POLR1A: variants seen among roughly 807,000 people sequenced by gnomAD.
POLR1A encodes the protein DNA-directed RNA polymerase I subunit RPA1.
A neutral mutation model predicts 205.3 loss-of-function variants in POLR1A; 84 were observed. The observed-to-expected ratio is 0.41, with a 90% CI of 0.34 to 0.49. POLR1A has a LOEUF of 0.49. POLR1A is among the 20% of genes least tolerant of loss of function. The probability of loss-of-function intolerance (pLI) is 0.22; values close to 1 mark genes in which losing one functional copy is unlikely to be tolerated. For synonymous variants in POLR1A, 799 were observed against 863.7 expected, an observed-to-expected ratio of 0.93 and a Z score of 1.31; for missense variants, 1,645 against 2,204.5, an observed-to-expected ratio of 0.75 and a Z score of 5.08.
Position 86,033,642 on chromosome 2 carries a change from C to T in POLR1A, c.4161+19G>A, listed in dbSNP as rs376901817. The T allele has an allele frequency of 1.9e-5, 31 of 1,610,686 alleles. 1 individual carries two copies. In the South Asian group the frequency reaches 3.1e-4, roughly 16 times the overall value. On this transcript the variant is annotated intron_variant, in intron 28 of 33. Transcript: ENST00000263857. ...GGCTGTCCCTGTGCAACTCTAGTGACCCCCGGGGACTCACTCACCCGACTC... is the reference window on the plus strand; with the variant it reads ...GGCTGTCCCTGTGCAACTCTAGTGATCCCCGGGGACTCACTCACCCGACTC...
chr2:86,031,768 G>A (rs1422755862), intron 29 of POLR1A, 133 bp from the exon 30 acceptor site: 14 of 1,198,040 alleles, frequency 1.2e-5, no homozygotes, highest in South Asian at 1.5e-5. Context: ...CCACACTCCC[G>A]GCTCCTCTGC....
chr2:86,069,455 T>TTCTA (rs1157278053), intron 13 of POLR1A, among the ~76,000 whole-genome samples: 1 of 152,142 alleles, frequency 6.6e-6, no homozygotes, highest in Non-Finnish European at 1.5e-5. Flanking sequence ...GGGGAGGAAG[T>TTCTA]TCTATCCTTC....
chr2:86,068,390 G>GA (rs942819872), intron 13 of POLR1A, among the ~76,000 whole-genome samples: 3 of 117,580 alleles, frequency 2.6e-5, no homozygotes, highest in African/African-American at 9.6e-5. Flanking sequence ...CATGGGCGGG[G>GA]GGGGGGGGCG....
chr2:86,045,850 T>C, intron 19 of POLR1A, 81 bp from the exon 20 acceptor site: 1 of 1,281,026 alleles, frequency 7.8e-7, no homozygotes, highest in Non-Finnish European at 1.1e-6. Context: ...GAAAGTATAA[T>C]CTGACCTTGA....
intron 3 of POLR1A, among the ~76,000 whole-genome samples, chr2:86,097,597 T>C (rs1283262906): frequency 6.6e-6 from 1 of 152,150 alleles, no homozygotes; most frequent in Non-Finnish European, 1.5e-5. Context: ...TGCAACAACA[T>C]AGATGGAACT....
Position 86,073,924 on chromosome 2 carries a change from C to T in POLR1A, c.1611+1106G>A, listed in dbSNP as rs149858602. On this transcript the variant is annotated intron_variant, in intron 12 of 33. Coordinates refer to ENST00000263857, the MANE Select transcript of POLR1A (RefSeq NM_015425.6). ...TTTGCATTGCTCACACAGTGCCTAG[C>T]GAAACACCAGGCACTTAGGAAAGGC... is the stretch of plus-strand genomic sequence containing the variant. Among the ~76,000 whole-genome samples, 754 of 152,288 alleles carry T rather than the reference C, an allele frequency of 5.0e-3. 6 individuals carry two copies. The highest frequency in any genetic ancestry group is 0.017 in the African/African-American group (715 of 41,550).
intron 2 of POLR1A, among the ~76,000 whole-genome samples, chr2:86,099,058 A>G (rs1035074450): frequency 2.0e-5 from 3 of 152,172 alleles, no homozygotes; most frequent in African/African-American, 7.2e-5. Flanking sequence ...CTTCTCAGCC[A>G]GGTGCGGTGG....
At chr2:86,049,498 T>G (rs975031434) in intron 16 of POLR1A, among the ~76,000 whole-genome samples, 1 of 152,174 alleles carries the variant, frequency 6.6e-6, no homozygotes, top group Non-Finnish European at 1.5e-5. Flanking sequence ...CATGGTCGTA[T>G]GGGTAGAAAG....
rs1672389785 is a variant in POLR1A, at chr2:86,031,543, A to C, written c.4365T>G (p.Gly1455=). The C allele has an allele frequency of 6.2e-7, 1 of 1,613,942 alleles. No homozygotes were observed. The highest frequency in any genetic ancestry group is 8.5e-7 in the Non-Finnish European group (1 of 1,180,002). The part of the protein sequence containing the change: ...MQEERNPHRE[G]ARKTQEQDEE... Reference sequence around the variant, plus strand: ...CATCTTGCTCTTGGGTCTTTCGAGCACCTTCCCTGTGGGGATTTCGTTCCT... The same window carrying C: ...CATCTTGCTCTTGGGTCTTTCGAGCCCCTTCCCTGTGGGGATTTCGTTCCT... The change falls in exon 30 of 34, where the codon GGT becomes GGG. Residue 1455 remains glycine, a synonymous_variant. Transcript: ENST00000263857.
intron 3 of POLR1A, among the ~76,000 whole-genome samples, chr2:86,093,969 T>C (rs141324154): frequency 2.0e-5 from 3 of 152,372 alleles, no homozygotes; most frequent in South Asian, 2.1e-4. Context: ...GCAAGTTTTA[T>C]AGAATATCCC....
Position 86,028,482 on chromosome 2 carries a change from AGTGCTGGACTGACTCG to A in POLR1A, c.4897+96_4897+111del, listed in dbSNP as rs902662162. On this transcript the variant is annotated intron_variant, in intron 32 of 33. Coordinates refer to ENST00000263857, the MANE Select transcript of POLR1A (RefSeq NM_015425.6). This position sits in a 1 kb window ranked among gnomAD's most constrained non-coding sequence, Gnocchi z 4.5. The stretch of plus-strand genomic sequence containing the variant: ...GCACGCATGCTGCAGTGCCTGCCTT[AGTGCTGGACTGACTCG>A]GTGCTGGACCGACACGGTCCTGACC... The A allele has an allele frequency of 6.7e-6, 5 of 743,086 alleles. No individual in the cohort carries two copies. In the Admixed American group the frequency reaches 9.2e-5, roughly 14 times the overall value. 46.0% of individuals were successfully genotyped at this position (743,086 alleles called of 1,614,324 possible).
chr2:86,089,415 C>T (rs1336172836), intron 4 of POLR1A, among the ~76,000 whole-genome samples: 1 of 152,200 alleles, frequency 6.6e-6, no homozygotes, highest in Non-Finnish European at 1.5e-5. Flanking sequence ...GATTCCAAGA[C>T]TAGTATCACA....
At chr2:86,069,151 T>C (rs1212795649) in intron 13 of POLR1A, among the ~76,000 whole-genome samples, 1 of 152,252 alleles carries the variant, frequency 6.6e-6, no homozygotes, top group African/African-American at 2.4e-5. Context: ...GCACAGTGTA[T>C]GGCACTGAAA....
chr2:86,083,016 G>T, intron 7 of POLR1A, 66 bp downstream of exon 7: 3 of 1,177,180 alleles, frequency 2.5e-6, no homozygotes, highest in Non-Finnish European at 3.8e-6. Context: ...ATAAGGCAGG[G>T]TTAATGAGTC....
intron 23 of POLR1A, 22 bp from the exon 24 acceptor site, chr2:86,042,125 A>C: frequency 6.4e-7 from 1 of 1,558,782 alleles, no homozygotes; most frequent in Non-Finnish European, 8.8e-7. Flanking sequence ...GATGGGTCTC[A>C]GCTATGTGGG....
At position 86,027,749 on chromosome 2, in the gene POLR1A, T is replaced by C. The variant is rs182876757; in HGVS notation, c.5062+136A>G. 577 of 1,023,668 alleles carry C rather than the reference T, an allele frequency of 5.6e-4. 3 individuals are homozygous for C. The African/African-American group carries it at 7.8e-3, about 14-fold the overall frequency. 63.4% of individuals were successfully genotyped at this position (1,023,668 alleles called of 1,614,324 possible). A position where few individuals can be genotyped will look rare whatever the true frequency, so the allele number is the denominator to read the frequency against. Reference sequence around the variant, plus strand: ...CTGTCGTGTCTGCTGTTCAGCCCCCTCCAGCCGCCCCCGCTCCCCTCAGAT... The same window carrying C: ...CTGTCGTGTCTGCTGTTCAGCCCCCCCCAGCCGCCCCCGCTCCCCTCAGAT... On this transcript the variant is annotated intron_variant, in intron 33 of 33. Transcript: ENST00000263857.
rs753731277 is a variant in POLR1A at position 86,039,436 on chromosome 2, C to G, written c.3767G>C (p.Ser1256Thr). The change falls in exon 26 of 34, where the codon AGC becomes ACC. Residue 1256 changes from serine to threonine, a missense_variant. By Grantham distance (58) the Ser-to-Thr change is moderately conservative. This residue lies in a region of POLR1A where 394 missense variants were observed against 468.5 expected (regional missense o/e 0.84). Transcript: ENST00000263857. ...CATCATGGGTGTCTTGATGTTGGCG[C>G]TGGCCACCATGAGAATCTCCCGCAA... ...PRLREILMVA[S>T]ANIKTPMMSV... 1 of 1,614,186 alleles carries G rather than the reference C, an allele frequency of 6.2e-7. No homozygotes were observed.
chr2:86,044,016 T>C, intron 22 of POLR1A, 123 bp downstream of exon 22: 1 of 851,960 alleles, frequency 1.2e-6, no homozygotes, highest in Admixed American at 2.2e-5. Context: ...TTATAAACCC[T>C]TCCCACTCTA....
In POLR1A at chr2:86,045,993, T is replaced by C. The variant is rs73947314; in HGVS notation, c.2734-224A>G. On this transcript the variant is annotated intron_variant, in intron 19 of 33. Transcript: ENST00000263857. The stretch of plus-strand genomic sequence containing the variant: ...TCTGGATTTTCACATTTGGGGTCAG[T>C]TGAAAATGGGTGCTCTCTATAAAAA... Among the ~76,000 whole-genome samples the C allele has an allele frequency of 0.049, 7,490 of 152,224 alleles. 299 individuals carry two copies. The highest frequency in any genetic ancestry group is 0.23 in the East Asian group (1,165 of 5,154).
Sources: gnomAD v4.1 joint callset for allele counts (sites outside exome capture counted in the v4.1 genomes callset) on GRCh38, gnomAD v4.1.1 for gene constraint, gnomAD v4.1.1 regional missense constraint, Gnocchi (gnomAD v3.1) non-coding constraint, MANE v1.5 for transcripts, NCBI Gene and HGNC (gene_info 2026-07-23, HGNC 2026-07-21) for gene names.